The following RABL3 variants were observed in gnomAD, a reference collection of about 807,000 sequenced individuals.
RABL3 encodes rab-like protein 3.
In RABL3, 31 loss-of-function variants were observed where a neutral mutation model predicts 31.8. That is an observed-to-expected ratio of 0.97 (90% CI 0.73 to 1.31). RABL3 has a LOEUF of 1.31. Ranked by LOEUF, RABL3 falls within the 40% of genes most tolerant of loss-of-function variation. The pLI, the probability that RABL3 is intolerant of heterozygous loss-of-function variation, is 0.00. For synonymous variants in RABL3, 97 were observed against 99.9 expected (o/e 0.97, Z 0.18); for missense variants, 263 against 279.6 (o/e 0.94, Z 0.42).
intron 1 of RABL3, among the ~76,000 whole-genome samples, chr3:120,733,643 G>A (rs563783838): frequency 6.6e-5 from 10 of 152,176 alleles, no homozygotes; most frequent in Middle Eastern, 3.4e-3. Context: ...GCCTATGTCC[G>A]GAATGGTATT....
chr3:120,726,846 T>G (rs750868195), intron 2 of RABL3, among the ~76,000 whole-genome samples: 19 of 152,020 alleles, frequency 1.2e-4, no homozygotes, highest in Non-Finnish European at 2.8e-4. Context: ...ATACAGTGTA[T>G]GTTCTCTAAG....
chr3:120,741,243 G>A (rs758946456), intron 1 of RABL3, among the ~76,000 whole-genome samples: 12 of 152,200 alleles, frequency 7.9e-5, no homozygotes, highest in Non-Finnish European at 1.3e-4. Flanking sequence ...CAAGCTACCT[G>A]ATAGAAATGA....
intron 2 of RABL3, among the ~76,000 whole-genome samples, chr3:120,715,092 C>T (rs1418182268): frequency 2.0e-5 from 3 of 152,184 alleles, no homozygotes; most frequent in Non-Finnish European, 2.9e-5. Context: ...TATAATATGG[C>T]CCTCTTCTTG....
chr3:120,696,432 A>G (rs937293078), intron 5 of RABL3, among the ~76,000 whole-genome samples: 9 of 151,904 alleles, frequency 5.9e-5, no homozygotes, highest in African/African-American at 2.2e-4. Flanking sequence ...TCCTATTGTT[A>G]TGTGTGCTGT....
rs1048663878 is a variant in RABL3, at chr3:120,685,110, G to C, written c.*4713C>G. On this transcript the variant is annotated 3_prime_UTR_variant, in exon 8 of 8. Coordinates refer to ENST00000273375, the MANE Select transcript of RABL3 (RefSeq NM_173825.5). ...TAGCCCAGACGAGCAGAGCCAGGGA[G>C]GGCTTCCCAGAGAAGACTATGTCTG... Among the ~76,000 whole-genome samples the C allele has an allele frequency of 1.3e-5, 2 of 152,236 alleles. No homozygotes were observed. The highest frequency in any genetic ancestry group is 2.9e-5 in the Non-Finnish European group (2 of 68,044).
intron 4 of RABL3, among the ~76,000 whole-genome samples, chr3:120,699,482 G>A (rs1302933428): frequency 1.3e-5 from 2 of 152,130 alleles, no homozygotes; most frequent in Non-Finnish European, 1.5e-5. Context: ...TCACATATTA[G>A]AAATAAAACA....
At chr3:120,727,197 A>G (rs1708832265) in intron 2 of RABL3, among the ~76,000 whole-genome samples, 2 of 152,196 alleles carry the variant, frequency 1.3e-5, no homozygotes, top group Non-Finnish European at 2.9e-5. Context: ...AAACAAACAT[A>G]CAATAGAGAA....
chr3:120,703,187 AC>A (rs1368149192), intron 4 of RABL3, among the ~76,000 whole-genome samples: 2 of 152,096 alleles, frequency 1.3e-5, no homozygotes, highest in Non-Finnish European at 2.9e-5. Context: ...AGACAACAAC[AC>A]CCAGGTCACA....
intron 4 of RABL3, among the ~76,000 whole-genome samples, chr3:120,701,269 A>C (rs1708488711): frequency 6.6e-6 from 1 of 152,142 alleles, no homozygotes; most frequent in Admixed American, 6.5e-5. Flanking sequence ...CAGTATGTGG[A>C]TATGCCATTA....
rs1708310867 is a variant in RABL3, at chr3:120,686,646, G to T, written c.*3177C>A. 1 of 152,124 alleles carries T rather than the reference G, an allele frequency of 6.6e-6. No homozygotes were observed. The highest frequency in any genetic ancestry group is 2.4e-5 in the African/African-American group (1 of 41,410). The allele number at this position is 152,124 out of a possible 1,614,324, so 9.4% of individuals were successfully genotyped here. ...AGCTTTCTTTCTTCACCCATCACTA[G>T]GTTCACAAATGAGGCACCTATAACG... On this transcript the variant is annotated 3_prime_UTR_variant, in exon 8 of 8. Transcript: ENST00000273375.
At chr3:120,732,136 G>A (rs1200806462) in intron 1 of RABL3, among the ~76,000 whole-genome samples, 3 of 152,144 alleles carry the variant, frequency 2.0e-5, no homozygotes, top group Admixed American at 2.0e-4. Context: ...CTATGAGCAG[G>A]TGGTTATTGT....
intron 6 of RABL3, among the ~76,000 whole-genome samples, chr3:120,691,830 C>T (rs1211864314): frequency 1.3e-5 from 2 of 152,182 alleles, no homozygotes; most frequent in African/African-American, 4.8e-5. Context: ...AGCTTGCTCT[C>T]TCTGGTGCCA....
chr3:120,717,591 C>T (rs972511505), intron 2 of RABL3, among the ~76,000 whole-genome samples: 33 of 152,150 alleles, frequency 2.2e-4, no homozygotes, highest in African/African-American at 7.2e-4. Context: ...ACCTCAGCTT[C>T]CCGAGTAGCT....
rs34381219 is a variant in RABL3 at position 120,685,517 on chromosome 3, CA to C, written c.*4305del. ...ATATATTTGGATTAAAAACAGAACC[CA>C]GGGGAAAAACAGTGGCAGTAATAAA... On this transcript the variant is annotated 3_prime_UTR_variant, in exon 8 of 8. Coordinates refer to ENST00000273375, the MANE Select transcript of RABL3 (RefSeq NM_173825.5). Among the ~76,000 whole-genome samples the C allele has an allele frequency of 0.27, 40,388 of 152,002 alleles. 6,290 individuals are homozygous for C. Among genetic ancestry groups the C allele is most frequent in the Middle Eastern group, 0.37 (107 of 292 alleles).
chr3:120,693,151 T>A (rs1235878963), intron 6 of RABL3, among the ~76,000 whole-genome samples: 5 of 134,794 alleles, frequency 3.7e-5, no homozygotes, highest in African/African-American at 1.4e-4. Context: ...GAAATCAGCA[T>A]CTAGGCACAT....
At chr3:120,716,393 T>C (rs75667254) in intron 2 of RABL3, among the ~76,000 whole-genome samples, 9,752 of 152,272 alleles carry the variant, frequency 0.064, 452 homozygotes, top group East Asian at 0.19. Context: ...AAATCCAAAA[T>C]GTTAGTAATT....
chr3:120,691,616 T>C (rs2107573808), intron 6 of RABL3, among the ~76,000 whole-genome samples: 1 of 152,328 alleles, frequency 6.6e-6, no homozygotes, highest in South Asian at 2.1e-4. Context: ...AAATGTATTT[T>C]TGACTAACAA....
chr3:120,722,838 G>T (rs1708764472), intron 2 of RABL3, among the ~76,000 whole-genome samples: 1 of 151,918 alleles, frequency 6.6e-6, no homozygotes. Context: ...GCCCACAAGA[G>T]AAAGCAGGAA....
rs906690086 is a variant in RABL3 at position 120,741,861 on chromosome 3, C to T, written c.46+601G>A. Reference sequence around the variant, plus strand: ...AGTTAAGAATAAAACAGGACCACTACCCAATATGTCACTGCATAATTATAA... The same window carrying T: ...AGTTAAGAATAAAACAGGACCACTATCCAATATGTCACTGCATAATTATAA... On this transcript the variant is annotated intron_variant, in intron 1 of 7. Transcript: ENST00000273375. Among the ~76,000 whole-genome samples the T allele has an allele frequency of 3.3e-5, 5 of 152,166 alleles. 1 individual carries two copies. The highest frequency in any genetic ancestry group is 5.9e-5 in the Non-Finnish European group (4 of 68,032).
Sources: allele counts gnomAD v4.1 joint callset (sites outside exome capture counted in the v4.1 genomes callset), GRCh38; gene constraint gnomAD v4.1.1; transcripts MANE v1.5; gene names NCBI Gene and HGNC (gene_info 2026-07-23, HGNC 2026-07-21).